Variants in RPS6KC1 observed in about 807,000 individuals in gnomAD.
RPS6KC1 encodes the protein inactive ribosomal protein S6 kinase delta-1.
A neutral mutation model predicts 103.8 loss-of-function variants in RPS6KC1; 54 were observed. That is an observed-to-expected ratio of 0.52 (90% confidence interval 0.42 to 0.65). RPS6KC1 has a LOEUF of 0.65. Among genes scored for constraint, RPS6KC1 ranks in the 30% least tolerant of loss-of-function variants. RPS6KC1 has a pLI of 0.00. For missense variants in RPS6KC1, 1,151 were observed against 1,253.8 expected, an observed-to-expected ratio of 0.92 and a Z score of 1.24; for synonymous variants, 439 against 438.7, an observed-to-expected ratio of 1.00 and a Z score of -0.01.
At chr1:213,095,624 T>C (rs1355678436) in intron 3 of RPS6KC1, among the ~76,000 whole-genome samples, 1 of 152,192 alleles carries the variant, frequency 6.6e-6, no homozygotes, top group Non-Finnish European at 1.5e-5. Flanking sequence ...CACAGAAATA[T>C]ATAGGTATAC....
intron 6 of RPS6KC1, among the ~76,000 whole-genome samples, chr1:213,134,987 T>A (rs1293584395): frequency 2.0e-5 from 3 of 152,172 alleles, no homozygotes; most frequent in Non-Finnish European, 2.9e-5. Context: ...AAAGCAGACA[T>A]TCTTGTCTTG....
At chr1:213,182,148 A>G (rs756532535) in intron 8 of RPS6KC1, among the ~76,000 whole-genome samples, 4 of 152,020 alleles carry the variant, frequency 2.6e-5, no homozygotes, top group Non-Finnish European at 4.4e-5. Flanking sequence ...TTATGTATAT[A>G]TAATATAACT....
At chr1:213,061,193 A>T (rs113496408) in intron 1 of RPS6KC1, among the ~76,000 whole-genome samples, 5,187 of 152,262 alleles carry the variant, frequency 0.034, 120 homozygotes, top group Middle Eastern at 0.054. Context: ...TTTCAACATG[A>T]AATTCAATAT....
the RPS6KC1 span, among the ~76,000 whole-genome samples, chr1:213,377,508 C>T: frequency 2.3e-4 from 35 of 152,292 alleles, no homozygotes; most frequent in South Asian, 7.0e-3. Context: ...CTAACACTTT[C>T]TATTTGTGGA....
chr1:213,302,305 G>A, the RPS6KC1 span, among the ~76,000 whole-genome samples: 1 of 152,130 alleles, frequency 6.6e-6, no homozygotes, highest in African/African-American at 2.4e-5. Context: ...GCCTTTTGTA[G>A]GTTTCTGCAG....
At chr1:213,452,335 G>GAA in the RPS6KC1 span, among the ~76,000 whole-genome samples, 2 of 135,240 alleles carry the variant, frequency 1.5e-5, no homozygotes, top group Non-Finnish European at 3.2e-5. Flanking sequence ...TCATAACTAG[G>GAA]AAAAAAAAAA....
chr1:213,185,028 G>T (rs1453278007), intron 8 of RPS6KC1, among the ~76,000 whole-genome samples: 2 of 152,114 alleles, frequency 1.3e-5, no homozygotes, highest in Non-Finnish European at 2.9e-5. Flanking sequence ...TTTAACTCTG[G>T]TTTCTTTGTT....
At chr1:213,179,739 A>C (rs1054674105) in intron 8 of RPS6KC1, among the ~76,000 whole-genome samples, 6 of 152,164 alleles carry the variant, frequency 3.9e-5, no homozygotes, top group Non-Finnish European at 7.4e-5. Context: ...ACAAACTTTT[A>C]TGTAGAAAAA....
the RPS6KC1 span, among the ~76,000 whole-genome samples, chr1:213,454,149 G>GT: frequency 2.0e-5 from 3 of 150,862 alleles, no homozygotes; most frequent in South Asian, 2.1e-4. Flanking sequence ...TGACCACATG[G>GT]GGGGGGTCAG....
the RPS6KC1 span, among the ~76,000 whole-genome samples, chr1:213,824,299 C>T: frequency 6.6e-6 from 1 of 152,164 alleles, no homozygotes; most frequent in African/African-American, 2.4e-5. Flanking sequence ...TTGAAGGACA[C>T]GTTTGCCTCA....
chr1:213,513,663 T>TA, the RPS6KC1 span, among the ~76,000 whole-genome samples: 3 of 152,156 alleles, frequency 2.0e-5, no homozygotes, highest in Non-Finnish European at 4.4e-5. Context: ...ACCCCAAACT[T>TA]ACCATTTGAA....
chr1:213,727,597 T>C, the RPS6KC1 span, among the ~76,000 whole-genome samples: 42 of 152,284 alleles, frequency 2.8e-4, no homozygotes, highest in Middle Eastern at 3.4e-3. Flanking sequence ...GATTTATTGA[T>C]AGGCCAGGAA....
At chr1:213,439,119 C>T in the RPS6KC1 span, among the ~76,000 whole-genome samples, 1 of 152,128 alleles carries the variant, frequency 6.6e-6, no homozygotes, top group Non-Finnish European at 1.5e-5. Flanking sequence ...TAAGTTATAA[C>T]TGCCCTGATA....
chr1:213,244,757 T>G (rs943876553), intron 12 of RPS6KC1, among the ~76,000 whole-genome samples: 12 of 152,302 alleles, frequency 7.9e-5, no homozygotes, highest in Admixed American at 7.2e-4. Context: ...GAAATTACAA[T>G]TCTCTTAGTT....
At position 213,151,631 on chromosome 1, in the gene RPS6KC1, G is replaced by T. The variant is rs1348067065; in HGVS notation, c.836-16227G>T. Reference sequence around the variant, plus strand: ...CCCCCACCTCCATCCCAGACGGGGCGGCTGGCTGGGCAGAGGGGCTCCTCA... The same window carrying T: ...CCCCCACCTCCATCCCAGACGGGGCTGCTGGCTGGGCAGAGGGGCTCCTCA... On this transcript the variant is annotated intron_variant, in intron 6 of 14. Transcript: ENST00000366960. Among the ~76,000 whole-genome samples, 2 of 87,550 alleles carry T rather than the reference G, an allele frequency of 2.3e-5. 1 individual carries two copies. Among genetic ancestry groups the T allele is most frequent in the Non-Finnish European group, 4.6e-5 (2 of 43,136 alleles). The allele number at this position is 87,550 out of a possible 152,430, so 57.4% of individuals were successfully genotyped here.
chr1:213,478,525 T>C, the RPS6KC1 span, among the ~76,000 whole-genome samples: 1 of 152,136 alleles, frequency 6.6e-6, no homozygotes, highest in African/African-American at 2.4e-5. Context: ...CTCACCAGTA[T>C]TTGGTGCTGT....
At chr1:213,137,752 G>GCTCT (rs149436919) in intron 6 of RPS6KC1, among the ~76,000 whole-genome samples, 522 of 12,162 alleles carry the variant, frequency 0.043, 28 homozygotes, top group Middle Eastern at 0.2. Context: ...AGTCCAGTTT[G>GCTCT]CTCTCTCTCT....
chr1:213,383,303 G>T, the RPS6KC1 span, among the ~76,000 whole-genome samples: 1 of 152,206 alleles, frequency 6.6e-6, no homozygotes, highest in East Asian at 1.9e-4. Context: ...GAAAGTCTGA[G>T]GTGAGAGGGG....
At chr1:213,116,921 T>A (rs1008976078) in intron 4 of RPS6KC1, among the ~76,000 whole-genome samples, 3 of 152,234 alleles carry the variant, frequency 2.0e-5, no homozygotes, top group Non-Finnish European at 4.4e-5. Flanking sequence ...CAGAGAGATC[T>A]GCTGTTAGTC....
Sources: allele counts gnomAD v4.1 joint callset (sites outside exome capture counted in the v4.1 genomes callset), GRCh38; gene constraint gnomAD v4.1.1; transcripts MANE v1.5; gene names NCBI Gene and HGNC (gene_info 2026-07-23, HGNC 2026-07-21).